The following DDX3X variants were observed in gnomAD, a reference collection of about 807,000 sequenced individuals.
DDX3X encodes ATP-dependent RNA helicase DDX3X.
In DDX3X, 4 loss-of-function variants were observed where a neutral mutation model predicts 52.7. The observed-to-expected ratio is 0.08, with a 90% CI of 0.04 to 0.17. The LOEUF (loss-of-function observed/expected upper bound fraction) is 0.17, where lower values mean the gene tolerates loss of function less well. Among genes scored for constraint, DDX3X ranks in the 10% least tolerant of loss-of-function variants. The probability of loss-of-function intolerance (pLI) is 1.00; values close to 1 mark genes in which losing one functional copy is unlikely to be tolerated. For missense variants in DDX3X, 222 were observed against 548.6 expected (o/e 0.40, Z 5.95); for synonymous variants, 192 against 178.1 (o/e 1.08, Z -0.62).
intron 14 of DDX3X, 35 bp downstream of exon 14, chrX:41,346,657 T>C: frequency 4.6e-6 from 5 of 1,079,286 alleles, no homozygotes; most frequent in Non-Finnish European, 6.4e-6. Context: ...TTCATTGTTT[T>C]TTGCTGTGAT....
chrX:41,343,455 C>T (rs1390758573), intron 7 of DDX3X, 104 bp downstream of exon 7: 3 of 748,653 alleles, frequency 4.0e-6, no homozygotes, highest in African/African-American at 2.2e-5. Context: ...AGCTGCTCTG[C>T]GCTGCTATTG....
chrX:41,345,393 T>C lies in DDX3X; in HGVS notation c.1171-11T>C, dbSNP rs759730459. 8.4e-7 allele frequency: 1 copy of C among 1,195,926 alleles called. No individual in the cohort carries two copies. The highest frequency in any genetic ancestry group is 1.8e-5 in the African/African-American group (1 of 56,021). ...TATCTCAGGTAATAATAAAAATTTT[T>C]TTTCTTTCAGATGCTGGCTCGTGAT... On this transcript the variant is annotated splice_polypyrimidine_tract_variant and intron_variant, in intron 11 of 16. Coordinates refer to ENST00000644876, the MANE Select transcript of DDX3X (RefSeq NM_001356.5).
At position 41,340,743 on chromosome X, in the gene DDX3X, A is replaced by G. The variant is rs1442559878; in HGVS notation, c.152-741A>G. The G allele has an allele frequency of 1.0e-5, 3 of 295,037 alleles. No homozygotes were observed. In the East Asian group the frequency reaches 1.4e-4, roughly 14 times the overall value. The allele number at this position is 295,037 out of a possible 1,213,427, so 24.3% of individuals were successfully genotyped here. On this transcript the variant is annotated intron_variant, in intron 3 of 16. Coordinates refer to ENST00000644876, the MANE Select transcript of DDX3X (RefSeq NM_001356.5). ...TACTATTGAAACTGAAAAATACTGTATTAAACCAAGTAATCTGACAGTCTA... is the reference window on the plus strand; with the variant it reads ...TACTATTGAAACTGAAAAATACTGTGTTAAACCAAGTAATCTGACAGTCTA...
downstream of DDX3X, among the ~76,000 whole-genome samples, chrX:41,352,274 C>G (rs779386861): frequency 9.0e-6 from 1 of 111,554 alleles, no homozygotes; most frequent in African/African-American, 3.2e-5. Flanking sequence ...CAGTTTTAGT[C>G]CTTATTTTAC....
chrX:41,337,996 ACTC>A (rs1233490819), intron 2 of DDX3X: 1 of 111,265 alleles, frequency 9.0e-6, no homozygotes, highest in African/African-American at 3.3e-5. Context: ...GGTTATAGCT[ACTC>A]CTTTCTCCTG....
In DDX3X at chrX:41,342,588, C is replaced by T; in HGVS notation, c.378C>T (p.Arg126=). ...FGKFERGGNS[R]WCDKSDEDDW... ...AATTTGAACGTGGTGGAAACAGTCGCTGGTGTGACAAATCAGATGAAGATG... is the reference window on the plus strand; with the variant it reads ...AATTTGAACGTGGTGGAAACAGTCGTTGGTGTGACAAATCAGATGAAGATG... Residue 126 remains arginine (R), a synonymous_variant, in exon 5 of 17, where the codon CGC becomes CGT. Transcript: ENST00000644876. 8.3e-7 allele frequency: 1 copy of T among 1,211,917 alleles called. No homozygotes were observed. Among genetic ancestry groups the T allele is most frequent in the South Asian group, 1.8e-5 (1 of 56,996 alleles).
chrX:41,341,602 T>C lies in DDX3X; in HGVS notation c.270T>C (p.Ser90=), dbSNP rs774861640. Residue 90 remains serine (S), a synonymous_variant, in exon 4 of 17, where the codon AGT becomes AGC. Coordinates refer to ENST00000644876, the MANE Select transcript of DDX3X (RefSeq NM_001356.5). The part of the protein sequence containing the change: ...GKSSFFSDRG[S]GSRGRFDDRG... ...CTAGCTTCTTCAGTGATCGTGGAAG[T>C]GGATCAAGGGGAAGGTAAGTGATTT... is the stretch of plus-strand genomic sequence containing the variant. 2 of 1,210,858 alleles carry C rather than the reference T, an allele frequency of 1.7e-6. No individual in the cohort carries two copies. The highest frequency in any genetic ancestry group is 2.2e-6 in the Non-Finnish European group (2 of 894,852).
In DDX3X at chrX:41,350,094, T is replaced by G. The variant is rs1456898193; in HGVS notation, c.*2375T>G. 1 of 112,322 alleles carries G rather than the reference T, an allele frequency of 8.9e-6. No homozygotes were observed. The highest frequency in any genetic ancestry group is 1.9e-5 in the Non-Finnish European group (1 of 53,219). 9.3% of individuals were successfully genotyped at this position (112,322 alleles called of 1,213,427 possible). On this transcript the variant is annotated 3_prime_UTR_variant, in exon 17 of 17. Coordinates refer to ENST00000644876, the MANE Select transcript of DDX3X (RefSeq NM_001356.5). ...ATTTAAACTTGCTGAATGTAAAGAT[T>G]GAACCTCAAGTCACTGTAGCTTTAG...
At chrX:41,351,466 C>T (rs750280109), downstream of DDX3X, 1 of 111,222 alleles carries the variant, frequency 9.0e-6, no homozygotes, top group Non-Finnish European at 1.9e-5. Context: ...TTCCTTTGCT[C>T]CTATGCTCTA....
At chrX:41,341,256 A>G (rs1489564580) in intron 3 of DDX3X, 2 of 303,375 alleles carry the variant, frequency 6.6e-6, no homozygotes, top group Non-Finnish European at 1.1e-5. Context: ...AAGTGCTGGG[A>G]TTACAGGCGT....
In DDX3X at chrX:41,341,684, C is replaced by A. The variant is rs1168804939; in HGVS notation, c.284+68C>A. 3 of 1,028,192 alleles carry A rather than the reference C, an allele frequency of 2.9e-6. No individual in the cohort carries two copies. In the East Asian group the frequency reaches 9.4e-5, roughly 32 times the overall value. The allele number at this position is 1,028,192 out of a possible 1,213,427, so 84.7% of individuals were successfully genotyped here. A position where few individuals can be genotyped will look rare whatever the true frequency, so the allele number is the denominator to read the frequency against. ...GTTTAATAAGTCGTTATCCTGACCA[C>A]CTGTTTGGATGTTAAGCATTATGTC... On this transcript the variant is annotated intron_variant, in intron 4 of 16. Coordinates refer to ENST00000644876, the MANE Select transcript of DDX3X (RefSeq NM_001356.5).
At chrX:41,339,611 A>G (rs2063818972) in intron 3 of DDX3X, 2 of 112,359 alleles carry the variant, frequency 1.8e-5, no homozygotes, top group Admixed American at 1.9e-4. Flanking sequence ...TGTAATTGTA[A>G]CGTAGTGATA....
chrX:41,335,769 A>G (rs1205578743), intron 1 of DDX3X: 3 of 112,312 alleles, frequency 2.7e-5, no homozygotes, highest in Non-Finnish European at 5.6e-5. Context: ...ATTATATTAA[A>G]TCCTCTAATT....
chrX:41,345,085 A>G (rs1371375778), intron 10 of DDX3X, 95 bp from the exon 11 acceptor site: 2 of 869,948 alleles, frequency 2.3e-6, no homozygotes, highest in Non-Finnish European at 3.3e-6. Context: ...AACCTATACA[A>G]TTGTATTTGT....
At chrX:41,333,968 C>T (rs149993782), upstream of DDX3X, 236 of 301,348 alleles carry the variant, frequency 7.8e-4, no homozygotes, top group African/African-American at 5.7e-3. Context: ...CCCTAAGCTC[C>T]AAGGCAGGAC....
At chrX:41,341,779 A>T (rs2063854659) in intron 4 of DDX3X, 163 bp downstream of exon 4, 2 of 439,255 alleles carry the variant, frequency 4.6e-6, no homozygotes, top group Admixed American at 8.8e-5. Context: ...TAGAAATTAG[A>T]TGAAAATAGG....
chrX:41,337,875 G>GA, intron 2 of DDX3X: 1 of 120,557 alleles, frequency 8.3e-6, no homozygotes, highest in East Asian at 2.6e-4. Flanking sequence ...ATTATCTCTA[G>GA]AAGAGTTTTT....
chrX:41,351,072 C>T, downstream of DDX3X: 1 of 111,404 alleles, frequency 9.0e-6, no homozygotes, highest in East Asian at 2.8e-4. Flanking sequence ...GATGATGGTA[C>T]TTGAGTCTCG....
chrX:41,361,672 G>T (rs2064030398), intron 5 of DDX3X, among the ~76,000 whole-genome samples: 1 of 111,039 alleles, frequency 9.0e-6, no homozygotes, highest in African/African-American at 3.3e-5. Flanking sequence ...GGCCTCTCAT[G>T]CCTGGCCCTC....
Sources: gnomAD v4.1 joint callset for allele counts (sites outside exome capture counted in the v4.1 genomes callset) on GRCh38, gnomAD v4.1.1 for gene constraint, MANE v1.5 for transcripts, NCBI Gene and HGNC (gene_info 2026-07-23, HGNC 2026-07-21) for gene names.